ADAM17: variants seen among roughly 807,000 people sequenced by gnomAD.
ADAM17 encodes the protein ADAM metallopeptidase domain 17.
ADAM17 carries 39 observed loss-of-function variants against 96.7 expected under a neutral mutation model. That is an observed-to-expected ratio of 0.40 (90% CI 0.31 to 0.53). The LOEUF is 0.53. Among genes scored for constraint, ADAM17 ranks in the 20% least tolerant of loss-of-function variants. The probability of loss-of-function intolerance (pLI) is 0.44; values close to 1 mark genes in which losing one functional copy is unlikely to be tolerated. For missense variants in ADAM17, 777 were observed against 1,013.2 expected (o/e 0.77, Z 3.17); for synonymous variants, 344 against 359.2 (o/e 0.96, Z 0.48).
At chr2:9,529,071 A>T (rs1664636571) in intron 4 of ADAM17, among the ~76,000 whole-genome samples, 1 of 152,266 alleles carries the variant, frequency 6.6e-6, no homozygotes, top group African/African-American at 2.4e-5. Flanking sequence ...CATACAATGG[A>T]ATACTATTCA....
chr2:9,523,735 T>C (rs1290798007), intron 6 of ADAM17, among the ~76,000 whole-genome samples: 2 of 152,218 alleles, frequency 1.3e-5, no homozygotes, highest in African/African-American at 4.8e-5. Context: ...CACTTACATA[T>C]GGATTTCCTT....
chr2:9,491,163 C>G lies in ADAM17; in HGVS notation c.2083-12G>C, dbSNP rs994701272. On this transcript the variant is annotated splice_polypyrimidine_tract_variant and intron_variant, in intron 17 of 18. Transcript: ENST00000310823. Reference sequence around the variant, plus strand: ...TCCAATTTCTTATCCTAGAAAGAAACAGCAAGAAGGTCATTCCCTACAAAT... The same window carrying G: ...TCCAATTTCTTATCCTAGAAAGAAAGAGCAAGAAGGTCATTCCCTACAAAT... 1.9e-6 allele frequency: 3 copies of G among 1,610,934 alleles called. No homozygotes were observed. The highest frequency in any genetic ancestry group is 1.7e-6 in the Non-Finnish European group (2 of 1,177,448).
Position 9,518,722 on chromosome 2 carries a change from A to G in ADAM17, c.958-475T>C, listed in dbSNP as rs1453434253. Among the ~76,000 whole-genome samples, 3 of 152,214 alleles carry G rather than the reference A, an allele frequency of 2.0e-5. No homozygotes were observed. The East Asian group carries it at 5.8e-4, about 29-fold the overall frequency. The stretch of plus-strand genomic sequence containing the variant: ...CATTTATATAAATATACACTTATAG[A>G]AAAGCATACATACCCAGTTTTATGT... On this transcript the variant is annotated intron_variant, in intron 8 of 18. Transcript: ENST00000310823.
intron 2 of ADAM17, among the ~76,000 whole-genome samples, chr2:9,541,812 G>A (rs1206338348): frequency 6.6e-6 from 1 of 152,068 alleles, no homozygotes; most frequent in Non-Finnish European, 1.5e-5. Context: ...GGCCGAGATC[G>A]TGGATCACTT....
At chr2:9,518,645 G>C (rs1286793115) in intron 8 of ADAM17, among the ~76,000 whole-genome samples, 1 of 151,902 alleles carries the variant, frequency 6.6e-6, no homozygotes, top group African/African-American at 2.4e-5. Context: ...GGATTCAATT[G>C]GTTTTATAGA....
At chr2:9,528,626 A>G (rs868081869) in intron 4 of ADAM17, among the ~76,000 whole-genome samples, 1 of 152,250 alleles carries the variant, frequency 6.6e-6, no homozygotes. Flanking sequence ...GTTTCAAAGC[A>G]AAGTTATTCT....
rs768042607 is a variant in ADAM17, at chr2:9,493,729, T to G, written c.1993+18A>C. 9 of 1,607,202 alleles carry G rather than the reference T, an allele frequency of 5.6e-6. No homozygotes were observed. The highest frequency in any genetic ancestry group is 4.4e-5 in the South Asian group (4 of 90,804). On this transcript the variant is annotated intron_variant, in intron 16 of 18. Transcript: ENST00000310823. ...AATTGACTCAGCTCTCAGTAAGTAA[T>G]CTGGGGAAATCACCTACCAAAAGTA...
At chr2:9,515,633 A>G (rs1423438687) in intron 10 of ADAM17, among the ~76,000 whole-genome samples, 1 of 151,458 alleles carries the variant, frequency 6.6e-6, no homozygotes, top group African/African-American at 2.4e-5. Flanking sequence ...GCTACTCAGG[A>G]GACTGAGGCA....
At chr2:9,523,371 T>C in intron 6 of ADAM17, 33 bp from the exon 7 acceptor site, 2 of 1,514,090 alleles carry the variant, frequency 1.3e-6, no homozygotes, top group Non-Finnish European at 1.8e-6. Flanking sequence ...AAAGACATTA[T>C]GTAACTCTTT....
chr2:9,534,562 C>G (rs146283701), intron 4 of ADAM17, among the ~76,000 whole-genome samples: 1 of 151,892 alleles, frequency 6.6e-6, no homozygotes, highest in African/African-American at 2.4e-5. Context: ...ACAAACAAAA[C>G]CCTAATTTAG....
chr2:9,548,186 G>C (rs113622237), intron 1 of ADAM17, among the ~76,000 whole-genome samples: 2,587 of 152,162 alleles, frequency 0.017, 70 homozygotes, highest in African/African-American at 0.059. Context: ...TACAAGATTA[G>C]CTGGGCGTGG....
chr2:9,518,302 A>G, intron 8 of ADAM17, 55 bp from the exon 9 acceptor site: 1 of 1,467,306 alleles, frequency 6.8e-7, no homozygotes, highest in South Asian at 1.5e-5. Flanking sequence ...ATTAACAATT[A>G]CATCAGACTA....
At chr2:9,541,825 G>T (rs760977131) in intron 2 of ADAM17, among the ~76,000 whole-genome samples, 6 of 150,602 alleles carry the variant, frequency 4.0e-5, no homozygotes, top group Middle Eastern at 7.1e-3. Flanking sequence ...GATCACTTGA[G>T]GTGAGGAGTT....
intron 4 of ADAM17, among the ~76,000 whole-genome samples, chr2:9,534,153 G>C (rs1178604323): frequency 1.3e-5 from 2 of 152,170 alleles, no homozygotes; most frequent in African/African-American, 4.8e-5. Flanking sequence ...GGCAGATCAT[G>C]AGGTCAGGAG....
At chr2:9,539,378 G>C (rs1054576936) in intron 2 of ADAM17, among the ~76,000 whole-genome samples, 3 of 152,142 alleles carry the variant, frequency 2.0e-5, no homozygotes, top group African/African-American at 7.2e-5. Flanking sequence ...GCCTCCCAAA[G>C]TGCTGGGATT....
Position 9,489,382 on chromosome 2 carries a change from C to CAATAGTGAATTTTCTAAGAGCAT in ADAM17, c.*772_*794dup, listed in dbSNP as rs1162413651. The CAATAGTGAATTTTCTAAGAGCAT allele has an allele frequency of 2.6e-4, 39 of 149,504 alleles. No individual in the cohort carries two copies. Among genetic ancestry groups the CAATAGTGAATTTTCTAAGAGCAT allele is most frequent in the Admixed American group, 1.3e-3 (19 of 14,926 alleles). 9.3% of individuals were successfully genotyped at this position (149,504 alleles called of 1,614,324 possible). A position where few individuals can be genotyped will look rare whatever the true frequency, so the allele number is the denominator to read the frequency against. On this transcript the variant is annotated 3_prime_UTR_variant, in exon 19 of 19. Coordinates refer to ENST00000310823, the MANE Select transcript of ADAM17 (RefSeq NM_003183.6). Reference sequence around the variant, plus strand: ...ACAGGCATGAGCCACCACTCCCAGCCAATAGTGAATTTTCTAAGAGCATGT... The same window carrying CAATAGTGAATTTTCTAAGAGCAT: ...ACAGGCATGAGCCACCACTCCCAGCCAATAGTGAATTTTCTAAGAGCATAATAGTGAATTTTCTAAGAGCATGT...
At position 9,555,502 on chromosome 2, in the gene ADAM17, T is replaced by C. The variant is rs754186397; in HGVS notation, c.97+7A>G. On this transcript the variant is annotated splice_region_variant and intron_variant, in intron 1 of 18. Transcript: ENST00000310823. Reference sequence around the variant, plus strand: ...GCCGGCCTAAGCCAACTCCCCTGGGTCTTTACCGAGTCTCTGGTGGGGGCC... The same window carrying C: ...GCCGGCCTAAGCCAACTCCCCTGGGCCTTTACCGAGTCTCTGGTGGGGGCC... 1.3e-6 allele frequency: 2 copies of C among 1,586,098 alleles called. No individual in the cohort carries two copies. Among genetic ancestry groups the C allele is most frequent in the African/African-American group, 1.3e-5 (1 of 74,404 alleles).
chr2:9,512,409 C>T (rs1477278464), intron 10 of ADAM17: 2 of 152,162 alleles, frequency 1.3e-5, no homozygotes, highest in East Asian at 3.8e-4. Flanking sequence ...AGCTACTGTA[C>T]ACACATGTAT....
chr2:9,501,321 G>C lies in ADAM17; in HGVS notation c.1648+852C>G, dbSNP rs1662991108. Among the ~76,000 whole-genome samples, 5 of 152,272 alleles carry C rather than the reference G, an allele frequency of 3.3e-5. No individual in the cohort carries two copies. In the South Asian group the frequency reaches 1.0e-3, roughly 32 times the overall value. The stretch of plus-strand genomic sequence containing the variant: ...TAATAGGACAGCAGGGTAATTCCAA[G>C]CGTTGGCCAGAACGTCAGGATAAGG... On this transcript the variant is annotated intron_variant, in intron 13 of 18. Transcript: ENST00000310823.
Sources: allele counts gnomAD v4.1 joint callset (sites outside exome capture counted in the v4.1 genomes callset), GRCh38; gene constraint gnomAD v4.1.1; transcripts MANE v1.5; gene names NCBI Gene and HGNC (gene_info 2026-07-23, HGNC 2026-07-21).